SASS6: variants seen among roughly 807,000 people sequenced by gnomAD.
SASS6 encodes SAS-6 centriolar assembly protein, also known as spindle assembly abnormal protein 6 homolog.
A neutral mutation model predicts 94.9 loss-of-function variants in SASS6; 59 were observed. The observed-to-expected ratio is 0.62, with a 90% confidence interval of 0.50 to 0.77. SASS6 has a LOEUF of 0.77. SASS6 is among the 30% of genes least tolerant of loss of function. The pLI is 0.00. For missense variants in SASS6, 698 were observed against 734.1 expected (o/e 0.95, Z 0.57); for synonymous variants, 264 against 270.0 (o/e 0.98, Z 0.22).
intron 13 of SASS6, among the ~76,000 whole-genome samples, chr1:100,103,899 T>C (rs1652691547): frequency 6.6e-6 from 1 of 152,198 alleles, no homozygotes; most frequent in African/African-American, 2.4e-5. Context: ...AACCCATGTA[T>C]AGATATACGA....
intron 14 of SASS6, among the ~76,000 whole-genome samples, chr1:100,099,840 G>C (rs1356961146): frequency 6.6e-6 from 1 of 152,124 alleles, no homozygotes; most frequent in African/African-American, 2.4e-5. Flanking sequence ...ACAGTAAACA[G>C]AATTGTCTCC....
At chr1:100,086,509 TTTGA>T (rs1651281256) in intron 15 of SASS6, among the ~76,000 whole-genome samples, 1 of 122,552 alleles carries the variant, frequency 8.2e-6, no homozygotes, top group South Asian at 2.7e-4. Context: ...TCTATAATGA[TTTGA>T]TTTTTTTTTT....
intron 1 of SASS6, among the ~76,000 whole-genome samples, chr1:100,129,273 G>GACACA (rs1402637385): frequency 6.6e-6 from 1 of 151,714 alleles, no homozygotes; most frequent in Admixed American, 6.6e-5. Flanking sequence ...AACATAGGAT[G>GACACA]ACACAAACAA....
At chr1:100,128,142 T>C (rs1022562529) in intron 1 of SASS6, among the ~76,000 whole-genome samples, 3 of 152,150 alleles carry the variant, frequency 2.0e-5, no homozygotes, top group Non-Finnish European at 4.4e-5. Context: ...GTTCAAACGA[T>C]TCTCCTGCCT....
chr1:100,121,377 C>T lies in SASS6; in HGVS notation c.483+1G>A. 6.5e-7 allele frequency: 1 copy of T among 1,541,052 alleles called. No individual in the cohort carries two copies. Among genetic ancestry groups the T allele is most frequent in the Non-Finnish European group, 8.8e-7 (1 of 1,141,978 alleles). On this transcript the variant is annotated splice_donor_variant, in intron 5 of 16. Coordinates refer to ENST00000287482, the MANE Select transcript of SASS6 (RefSeq NM_194292.3). LOFTEE classifies it high-confidence loss of function. ...AAGAATAACTTAAATTTAAATCTTA[C>T]CTTGCTACATTTCAAACAGCCTGCG...
chr1:100,121,378 C>T lies in SASS6; in HGVS notation c.483G>A (p.Lys161=). The change falls in exon 5 of 17, where the codon AAG becomes AAA. Residue 161 remains lysine, a splice_region_variant and synonymous_variant. Coordinates refer to ENST00000287482, the MANE Select transcript of SASS6 (RefSeq NM_194292.3). Reference sequence around the variant, plus strand: ...AGAATAACTTAAATTTAAATCTTACCTTGCTACATTTCAAACAGCCTGCGA... The same window carrying T: ...AGAATAACTTAAATTTAAATCTTACTTTGCTACATTTCAAACAGCCTGCGA... The part of the protein sequence containing the change: ...KFLAGCLKCS[K]EEKLSLMQSL... 6.5e-7 allele frequency: 1 copy of T among 1,541,240 alleles called. No individual in the cohort carries two copies. The highest frequency in any genetic ancestry group is 8.7e-7 in the Non-Finnish European group (1 of 1,143,162).
At chr1:100,122,281 A>G (rs886201601) in intron 4 of SASS6, 99 bp downstream of exon 4, 2 of 562,604 alleles carry the variant, frequency 3.6e-6, no homozygotes, top group Admixed American at 3.2e-5. Context: ...AAACAGGGAT[A>G]GTCATAATAA....
intron 13 of SASS6, among the ~76,000 whole-genome samples, chr1:100,103,871 T>C (rs1180110454): frequency 1.8e-4 from 28 of 152,206 alleles, no homozygotes; most frequent in Admixed American, 1.8e-3. Flanking sequence ...CAATGTCCTG[T>C]AGCCAAGGAC....
intron 7 of SASS6, among the ~76,000 whole-genome samples, chr1:100,115,654 C>G (rs1006963667): frequency 3.3e-5 from 5 of 152,010 alleles, no homozygotes; most frequent in African/African-American, 1.2e-4. Context: ...ATAGTGAAAC[C>G]CCATCTCCAC....
At chr1:100,091,088 T>C (rs1158646492) in intron 14 of SASS6, among the ~76,000 whole-genome samples, 4 of 152,188 alleles carry the variant, frequency 2.6e-5, no homozygotes, top group Non-Finnish European at 4.4e-5. Context: ...GTCAATCACA[T>C]GAGGCCAGAA....
At chr1:100,127,422 T>C (rs1459762315) in intron 1 of SASS6, among the ~76,000 whole-genome samples, 1 of 152,260 alleles carries the variant, frequency 6.6e-6, no homozygotes, top group Non-Finnish European at 1.5e-5. Context: ...GATTTTTTAA[T>C]GCTGACTTGT....
At chr1:100,089,219 A>C (rs1180514181) in intron 14 of SASS6, among the ~76,000 whole-genome samples, 1 of 152,166 alleles carries the variant, frequency 6.6e-6, no homozygotes, top group Non-Finnish European at 1.5e-5. Context: ...AATCTACATA[A>C]AATGAAATAA....
At position 100,132,727 on chromosome 1, in the gene SASS6, G is replaced by A. The variant is rs142029130; in HGVS notation, c.65+23C>T. 5,250 of 1,601,920 alleles carry A rather than the reference G, an allele frequency of 3.3e-3. 15 individuals carry two copies. Among genetic ancestry groups the A allele is most frequent in the Middle Eastern group, 5.3e-3 (32 of 6,038 alleles). On this transcript the variant is annotated intron_variant, in intron 1 of 16. Coordinates refer to ENST00000287482, the MANE Select transcript of SASS6 (RefSeq NM_194292.3). ...GCCTGACCCCAACCGCCACCCGCGG[G>A]CACTGGATGACGCGGACCTTACCTC...
At chr1:100,109,595 AAAAT>A (rs369145682) in intron 8 of SASS6, among the ~76,000 whole-genome samples, 148 of 152,080 alleles carry the variant, frequency 9.7e-4, no homozygotes, top group African/African-American at 3.3e-3. Context: ...GAACTTAAAT[AAAAT>A]AAATAAAATA....
At chr1:100,104,747 T>C (rs1652760550) in intron 13 of SASS6, among the ~76,000 whole-genome samples, 1 of 149,546 alleles carries the variant, frequency 6.7e-6, no homozygotes, top group Non-Finnish European at 1.5e-5. Context: ...ATTACAGGCA[T>C]GAGCCATCGT....
At chr1:100,089,509 G>A (rs1475089465) in intron 14 of SASS6, among the ~76,000 whole-genome samples, 5 of 151,818 alleles carry the variant, frequency 3.3e-5, no homozygotes. Context: ...CAGAGAAAAA[G>A]GTCACTTTAT....
chr1:100,122,944 T>C (rs1052351327), intron 3 of SASS6, among the ~76,000 whole-genome samples: 20 of 142,648 alleles, frequency 1.4e-4, no homozygotes, highest in Non-Finnish European at 3.0e-4. Flanking sequence ...TAAGGAACTC[T>C]GATTTTTATA....
intron 7 of SASS6, among the ~76,000 whole-genome samples, chr1:100,111,874 C>T (rs1653353397): frequency 1.3e-5 from 2 of 152,062 alleles, no homozygotes; most frequent in Admixed American, 6.5e-5. Flanking sequence ...CTAACTGTAA[C>T]TGTCTAAGAG....
intron 12 of SASS6, among the ~76,000 whole-genome samples, chr1:100,106,300 A>T (rs1439047999): frequency 2.0e-5 from 3 of 152,182 alleles, no homozygotes; most frequent in Non-Finnish European, 4.4e-5. Flanking sequence ...ATTATTAGGT[A>T]AACACAGCTA....
Sources: allele counts gnomAD v4.1 joint callset (sites outside exome capture counted in the v4.1 genomes callset), GRCh38; gene constraint gnomAD v4.1.1; transcripts MANE v1.5; gene names NCBI Gene and HGNC (gene_info 2026-07-23, HGNC 2026-07-21).